Variants in PCDH15 observed in about 807,000 individuals in gnomAD.
The protein encoded by PCDH15 is protocadherin-15.
In PCDH15, 129 loss-of-function variants were observed where a neutral mutation model predicts 178.5. The observed-to-expected ratio is 0.72, with a 90% CI of 0.63 to 0.84. The LOEUF (loss-of-function observed/expected upper bound fraction) is 0.84, where lower values mean the gene tolerates loss of function less well. Ranked by LOEUF, PCDH15 falls within the 40% of genes least tolerant of loss-of-function variation. The probability of loss-of-function intolerance (pLI) is 0.00; values close to 1 mark genes in which losing one functional copy is unlikely to be tolerated. For missense variants in PCDH15, 2,230 were observed against 2,099.9 expected, an observed-to-expected ratio of 1.06 and a Z score of -1.21; for synonymous variants, 800 against 732.0, an observed-to-expected ratio of 1.09 and a Z score of -1.50.
chr10:53,940,426 C>T (rs536868888), intron 24 of PCDH15, among the ~76,000 whole-genome samples: 1 of 152,090 alleles, frequency 6.6e-6, no homozygotes, highest in Non-Finnish European at 1.5e-5. Flanking sequence ...AAATTCACAA[C>T]TTATTTACAA....
intron 15 of PCDH15, among the ~76,000 whole-genome samples, chr10:54,117,696 G>T (rs1321452003): frequency 6.6e-6 from 1 of 151,470 alleles, no homozygotes; most frequent in Non-Finnish European, 1.5e-5. Context: ...CAGGCAGGTA[G>T]TCCCAGGTCC....
At chr10:54,490,375 G>A (rs897874800) in intron 3 of PCDH15, among the ~76,000 whole-genome samples, 2 of 152,078 alleles carry the variant, frequency 1.3e-5, no homozygotes, top group African/African-American at 2.4e-5. Flanking sequence ...GCATGAACCC[G>A]GGAGGCAGAG....
intron 17 of PCDH15, among the ~76,000 whole-genome samples, chr10:54,077,028 T>C (rs1467970246): frequency 6.6e-6 from 1 of 152,194 alleles, no homozygotes; most frequent in Non-Finnish European, 1.5e-5. Flanking sequence ...ATTATTGTTA[T>C]ATAATCACTT....
At chr10:55,241,500 G>A (rs1256323212) in intron 1 of PCDH15, among the ~76,000 whole-genome samples, 2 of 152,058 alleles carry the variant, frequency 1.3e-5, no homozygotes, top group Non-Finnish European at 2.9e-5. Context: ...GCTCACTGCA[G>A]CCTCAACCTC....
At chr10:54,339,853 G>A (rs890855965) in intron 6 of PCDH15, among the ~76,000 whole-genome samples, 2 of 152,146 alleles carry the variant, frequency 1.3e-5, no homozygotes, top group Non-Finnish European at 1.5e-5. Context: ...GTATTAGCGT[G>A]TTTTAGCCAG....
chr10:55,192,528 T>C (rs1839970982), intron 1 of PCDH15, among the ~76,000 whole-genome samples: 1 of 151,784 alleles, frequency 6.6e-6, no homozygotes, highest in South Asian at 2.1e-4. Flanking sequence ...TTTGATAAAG[T>C]TTCCTTTGCA....
At chr10:55,004,283 G>T (rs1839870059) in intron 2 of PCDH15, among the ~76,000 whole-genome samples, 1 of 152,148 alleles carries the variant, frequency 6.6e-6, no homozygotes. Flanking sequence ...CAGGCAGAAA[G>T]ATCCACGATG....
At chr10:53,866,618 T>C in intron 27 of PCDH15, 24 bp downstream of exon 27, 1 of 1,588,586 alleles carries the variant, frequency 6.3e-7, no homozygotes, top group South Asian at 1.1e-5. Context: ...GCTACTTCCC[T>C]TTCCTGAAGT....
rs11004535 is a variant in PCDH15, at chr10:54,744,732, T to C, written c.-29+56193A>G. Among the ~76,000 whole-genome samples the C allele has an allele frequency of 9.7e-3, 1,470 of 152,256 alleles. 22 individuals are homozygous for C. Among genetic ancestry groups the C allele is most frequent in the East Asian group, 0.056 (288 of 5,176 alleles). ...TGTATTTTAAGAAAAATGTAAAGTG[T>C]TACAAAAAGTATGTCTCCTTCTCTG... is the stretch of plus-strand genomic sequence containing the variant. On this transcript the variant is annotated intron_variant, in intron 1 of 37. Transcript: ENST00000644397.
At chr10:53,954,313 T>C (rs1160242612) in intron 23 of PCDH15, among the ~76,000 whole-genome samples, 1 of 152,202 alleles carries the variant, frequency 6.6e-6, no homozygotes, top group Non-Finnish European at 1.5e-5. Context: ...TTTGCTATTT[T>C]ACAATTTTGG....
chr10:55,358,389 T>C (rs1845131026), intron 2 of PCDH15, among the ~76,000 whole-genome samples: 1 of 152,126 alleles, frequency 6.6e-6, no homozygotes. Context: ...TCAGATAGTC[T>C]TATTTCAGCA....
chr10:54,681,445 C>T (rs866809715), intron 1 of PCDH15, among the ~76,000 whole-genome samples: 6 of 151,612 alleles, frequency 4.0e-5, no homozygotes, highest in African/African-American at 1.2e-4. Context: ...GGGTATGTGG[C>T]TAAAGAGATA....
chr10:54,413,257 TG>T (rs1265191789), intron 3 of PCDH15, among the ~76,000 whole-genome samples: 1 of 152,190 alleles, frequency 6.6e-6, no homozygotes, highest in Admixed American at 6.6e-5. Flanking sequence ...AATACATGGT[TG>T]GCTATCTATT....
chr10:54,448,557 A>G (rs2076278066), intron 3 of PCDH15, among the ~76,000 whole-genome samples: 1 of 151,668 alleles, frequency 6.6e-6, no homozygotes. Flanking sequence ...TGGAAACATA[A>G]GGTTCTAAGG....
chr10:54,306,701 C>T (rs1291518507), intron 8 of PCDH15, among the ~76,000 whole-genome samples: 3 of 151,342 alleles, frequency 2.0e-5, no homozygotes, highest in African/African-American at 7.3e-5. Context: ...ATTAACTATC[C>T]CAGGCTCCAT....
chr10:54,585,497 A>C (rs968680883), intron 2 of PCDH15: 1 of 210,870 alleles, frequency 4.7e-6, no homozygotes, highest in African/African-American at 2.3e-5. Context: ...AACTGTTGTT[A>C]ATAACAAGAC....
intron 3 of PCDH15, among the ~76,000 whole-genome samples, chr10:54,487,653 C>T (rs78349779): frequency 0.013 from 2,014 of 151,804 alleles, 27 homozygotes; most frequent in African/African-American, 0.046. Context: ...TAGATCTATC[C>T]GTACATCAAT....
chr10:54,229,924 G>T (rs1446062145), intron 9 of PCDH15, among the ~76,000 whole-genome samples: 1 of 152,112 alleles, frequency 6.6e-6, no homozygotes, highest in Non-Finnish European at 1.5e-5. Flanking sequence ...TTAGATCAAA[G>T]ATGGAAAACA....
intron 1 of PCDH15, among the ~76,000 whole-genome samples, chr10:55,200,319 C>T (rs1840208597): frequency 6.6e-6 from 1 of 152,154 alleles, no homozygotes; most frequent in African/African-American, 2.4e-5. Flanking sequence ...AATTTAGTGA[C>T]TGCCCTGCTG....
Sources: gnomAD v4.1 joint callset for allele counts (sites outside exome capture counted in the v4.1 genomes callset) on GRCh38, gnomAD v4.1.1 for gene constraint, MANE v1.5 for transcripts, NCBI Gene and HGNC (gene_info 2026-07-23, HGNC 2026-07-21) for gene names.